The following QTGAL variants were observed in gnomAD, a reference collection of about 807,000 sequenced individuals.
QTGAL encodes queuosine-tRNA galactosyltransferase, also known as BGnT-like protein 1.
At chr17:83,010,428 C>T in the QTGAL span, among the ~76,000 whole-genome samples, 1 of 152,244 alleles carries the variant, frequency 6.6e-6, no homozygotes, top group Non-Finnish European at 1.5e-5. Flanking sequence ...AGCACTCCAA[C>T]TTCAAGAGCT....
At chr17:83,005,101 G>T in the QTGAL span, 51 of 1,590,106 alleles carry the variant, frequency 3.2e-5, no homozygotes, top group South Asian at 2.9e-4. This position sits in a 1 kb window ranked among gnomAD's most constrained non-coding sequence, Gnocchi z 5.6. Context: ...CAGACAAGGC[G>T]CCAGGCGAGG....
the QTGAL span, chr17:82,942,435 TGTCTC>T: frequency 1.0e-4 from 163 of 1,613,948 alleles, 1 homozygote; most frequent in Middle Eastern, 4.9e-4. Flanking sequence ...GAGCTTGTCT[TGTCTC>T]TTCTTCAGCC....
the QTGAL span, among the ~76,000 whole-genome samples, chr17:83,028,250 C>T: frequency 5.9e-5 from 9 of 151,718 alleles, no homozygotes; most frequent in South Asian, 1.7e-3. Flanking sequence ...CCAGGCCGGG[C>T]GCGGTGGCTC....
the QTGAL span, among the ~76,000 whole-genome samples, chr17:82,980,018 T>A: frequency 6.6e-6 from 1 of 152,138 alleles, no homozygotes; most frequent in African/African-American, 2.4e-5. Flanking sequence ...TGGGCATTCA[T>A]AAGCCAAAAC....
chr17:82,970,533 C>CCGCGACCTCCGCACCCGGCGTGGA, the QTGAL span, among the ~76,000 whole-genome samples: 1 of 108,726 alleles, frequency 9.2e-6, no homozygotes, highest in African/African-American at 5.2e-5. Context: ...CCCAGCGTGG[C>CCGCGACCTCCGCACCCGGCGTGGA]CGCGACCTCC....
At chr17:82,957,496 T>G in the QTGAL span, 1 of 1,599,406 alleles carries the variant, frequency 6.3e-7, no homozygotes, top group Non-Finnish European at 8.5e-7. Flanking sequence ...ATGGTCGTCC[T>G]GCGGTGGAGA....
chr17:82,976,890 C>T, the QTGAL span, among the ~76,000 whole-genome samples: 1 of 48,562 alleles, frequency 2.1e-5, no homozygotes, highest in Non-Finnish European at 4.1e-5. Context: ...GTCAGGGCCC[C>T]GGGACAGAGC....
chr17:82,950,210 G>A, the QTGAL span, among the ~76,000 whole-genome samples: 17 of 152,226 alleles, frequency 1.1e-4, no homozygotes, highest in Admixed American at 5.9e-4. Flanking sequence ...AGGACACAGC[G>A]TGTGCAGGAC....
At chr17:83,026,812 A>G in the QTGAL span, among the ~76,000 whole-genome samples, 1 of 123,614 alleles carries the variant, frequency 8.1e-6, no homozygotes, top group Non-Finnish European at 1.7e-5. Context: ...ACAGACACAC[A>G]GAGCAGGGCG....
chr17:82,989,845 A>G, the QTGAL span, among the ~76,000 whole-genome samples: 1 of 152,228 alleles, frequency 6.6e-6, no homozygotes, highest in Non-Finnish European at 1.5e-5. Context: ...AAACAATAAA[A>G]AACTAAACAG....
At chr17:82,947,016 T>A in the QTGAL span, 1 of 1,540,408 alleles carries the variant, frequency 6.5e-7, no homozygotes, top group Non-Finnish European at 8.8e-7. Flanking sequence ...CTCAGTCCGG[T>A]CTCCTGGCTC....
the QTGAL span, among the ~76,000 whole-genome samples, chr17:83,020,645 C>T: frequency 6.6e-6 from 1 of 152,192 alleles, no homozygotes; most frequent in Non-Finnish European, 1.5e-5. Context: ...GAGACAAAGT[C>T]AGCCCCAGGG....
At chr17:83,006,505 G>A in the QTGAL span, 56 of 985,320 alleles carry the variant, frequency 5.7e-5, no homozygotes, top group Middle Eastern at 1.0e-3. This position sits in a 1 kb window ranked among gnomAD's most constrained non-coding sequence, Gnocchi z 5.8. Context: ...CAAGGTCAAC[G>A]CCGCACCAGG....
the QTGAL span, among the ~76,000 whole-genome samples, chr17:82,956,334 C>A: frequency 6.6e-6 from 1 of 152,216 alleles, no homozygotes; most frequent in African/African-American, 2.4e-5. This position sits in a 1 kb window ranked among gnomAD's most constrained non-coding sequence, Gnocchi z 5.7. Flanking sequence ...CCTCAGTCCA[C>A]GGGAGCTGGA....
the QTGAL span, among the ~76,000 whole-genome samples, chr17:82,979,160 T>C: frequency 1.3e-5 from 2 of 151,266 alleles, no homozygotes; most frequent in Admixed American, 6.6e-5. Flanking sequence ...AGAAAAACAA[T>C]AGAGGAAAGT....
the QTGAL span, among the ~76,000 whole-genome samples, chr17:82,975,049 A>G: frequency 1.5e-4 from 14 of 93,222 alleles, 1 homozygote; most frequent in Non-Finnish European, 1.6e-4. Context: ...CCAGGGCCCC[A>G]GGACAGAGCC....
At chr17:82,942,385 C>G in the QTGAL span, 4 of 1,611,878 alleles carry the variant, frequency 2.5e-6, 1 homozygote, top group South Asian at 2.2e-5. Context: ...GGGTGAGGGT[C>G]CCCTGGCTGG....
chr17:82,998,545 C>G, the QTGAL span, among the ~76,000 whole-genome samples: 5 of 152,208 alleles, frequency 3.3e-5, no homozygotes, highest in East Asian at 9.6e-4. Context: ...TGGGGTGTCA[C>G]TGTGTCAGCC....
the QTGAL span, among the ~76,000 whole-genome samples, chr17:82,985,922 G>A: frequency 6.6e-6 from 1 of 152,310 alleles, no homozygotes; most frequent in South Asian, 2.1e-4. Flanking sequence ...GCACATCCCA[G>A]AATCTCTGAA....
Sources: gnomAD v4.1 joint callset for allele counts (sites outside exome capture counted in the v4.1 genomes callset) on GRCh38, gnomAD v4.1.1 for gene constraint, Gnocchi (gnomAD v3.1) non-coding constraint, MANE v1.5 for transcripts, NCBI Gene and HGNC (gene_info 2026-07-23, HGNC 2026-07-21) for gene names.